ZC2HC1B: variants seen among roughly 807,000 people sequenced by gnomAD.
The protein encoded by ZC2HC1B is zinc finger C2HC domain-containing protein 1B.
A neutral mutation model predicts 31.0 loss-of-function variants in ZC2HC1B; 36 were observed. The ratio of observed to expected loss-of-function variants is 1.16; its 90% CI spans 0.89 to 1.54. ZC2HC1B has a LOEUF of 1.54. ZC2HC1B is among the 40% of genes most tolerant of loss of function. The pLI, the probability that ZC2HC1B is intolerant of heterozygous loss-of-function variation, is 0.00. For synonymous variants in ZC2HC1B, 73 were observed against 88.0 expected (o/e 0.83, Z 0.95); for missense variants, 260 against 268.6 (o/e 0.97, Z 0.22).
rs1453274186 is a variant in ZC2HC1B, at chr6:143,868,280, G to A, written c.28+3713G>A. Among the ~76,000 whole-genome samples, 1 of 152,102 alleles carries A rather than the reference G, an allele frequency of 6.6e-6. No homozygotes were observed. The highest frequency in any genetic ancestry group is 1.5e-5 in the Non-Finnish European group (1 of 68,022). Reference sequence around the variant, plus strand: ...TAATAGGCTAGATCTGTATATAAAGGGGAATTTATTAAGTATTAACTCACA... The same window carrying A: ...TAATAGGCTAGATCTGTATATAAAGAGGAATTTATTAAGTATTAACTCACA... On this transcript the variant is annotated intron_variant, in intron 1 of 7. Transcript: ENST00000237275. This position sits in a 1 kb window ranked among gnomAD's most constrained non-coding sequence, Gnocchi z 4.2.
intron 5 of ZC2HC1B, among the ~76,000 whole-genome samples, chr6:143,900,252 G>A (rs987802771): frequency 3.3e-5 from 5 of 152,040 alleles, no homozygotes; most frequent in Non-Finnish European, 7.4e-5. Context: ...AGCCGTGTGT[G>A]GTGTCACATG....
intron 6 of ZC2HC1B, among the ~76,000 whole-genome samples, chr6:143,930,381 CTTTTTTT>C (rs34308015): frequency 1.2e-4 from 13 of 111,772 alleles, no homozygotes; most frequent in Admixed American, 4.0e-4. Flanking sequence ...TTGAGAGTTT[CTTTTTTT>C]TTTTTTTTTT....
chr6:143,902,903 C>T (rs1777752308), intron 5 of ZC2HC1B, 141 bp from the exon 6 acceptor site: 1 of 699,480 alleles, frequency 1.4e-6, no homozygotes. Flanking sequence ...GTGTGTCTGT[C>T]CCCTTCCCCT....
rs1778006011 is a variant in ZC2HC1B at position 143,923,717 on chromosome 6, A to C, written c.599-13932A>C. Among the ~76,000 whole-genome samples the C allele has an allele frequency of 6.6e-6, 1 of 152,004 alleles. No individual in the cohort carries two copies. Among genetic ancestry groups the C allele is most frequent in the African/African-American group, 2.4e-5 (1 of 41,420 alleles). On this transcript the variant is annotated intron_variant, in intron 6 of 7. Transcript: ENST00000237275. The surrounding 1 kb of genome is among the most constrained non-coding windows in gnomAD (Gnocchi z 4.8). ...TTATTGAAGAGGATGCCTTTCCCCAATTTATATTCTTAATGGCTTTGTTGA... is the reference window on the plus strand; with the variant it reads ...TTATTGAAGAGGATGCCTTTCCCCACTTTATATTCTTAATGGCTTTGTTGA...
intron 1 of ZC2HC1B, among the ~76,000 whole-genome samples, chr6:143,879,793 T>TG (rs948051698): frequency 2.0e-5 from 3 of 149,496 alleles, no homozygotes; most frequent in African/African-American, 7.3e-5. Context: ...TTGTTTTTGT[T>TG]TTTTTTTTTT....
chr6:143,878,886 C>T (rs1195257951), intron 1 of ZC2HC1B, among the ~76,000 whole-genome samples: 2 of 152,152 alleles, frequency 1.3e-5, no homozygotes, highest in Non-Finnish European at 2.9e-5. Flanking sequence ...TTGCTGTATA[C>T]TCATGCCTTC....
At chr6:143,916,937 G>A (rs199530069) in intron 6 of ZC2HC1B, among the ~76,000 whole-genome samples, 2 of 152,212 alleles carry the variant, frequency 1.3e-5, no homozygotes, top group Non-Finnish European at 2.9e-5. Flanking sequence ...GACTTTGGGG[G>A]ACTGTTGGGA....
At chr6:143,892,349 G>A (rs549048059) in intron 4 of ZC2HC1B, among the ~76,000 whole-genome samples, 4 of 150,568 alleles carry the variant, frequency 2.7e-5, no homozygotes, top group African/African-American at 9.8e-5. Context: ...AGGCTGGAGT[G>A]CAGTGGCATG....
intron 6 of ZC2HC1B, among the ~76,000 whole-genome samples, chr6:143,937,211 G>A (rs925011850): frequency 5.3e-5 from 8 of 152,136 alleles, no homozygotes; most frequent in African/African-American, 1.9e-4. Flanking sequence ...CCATTGTCAC[G>A]TAGATAACCC....
intron 1 of ZC2HC1B, among the ~76,000 whole-genome samples, chr6:143,879,586 G>T (rs1777444707): frequency 6.6e-6 from 1 of 152,126 alleles, no homozygotes; most frequent in African/African-American, 2.4e-5. Flanking sequence ...TCTGTGATTT[G>T]CAGGCATCTG....
chr6:143,918,139 G>A lies in ZC2HC1B; in HGVS notation c.598+14987G>A, dbSNP rs1038688169. Among the ~76,000 whole-genome samples, 1 of 152,088 alleles carries A rather than the reference G, an allele frequency of 6.6e-6. No individual in the cohort carries two copies. Among genetic ancestry groups the A allele is most frequent in the Non-Finnish European group, 1.5e-5 (1 of 68,012 alleles). ...ATGATAATGAACTTCCTCAGCTTTT[G>A]TTTATCTGGGAATGTCTTAATTTCT... On this transcript the variant is annotated intron_variant, in intron 6 of 7. Coordinates refer to ENST00000237275, the MANE Select transcript of ZC2HC1B (RefSeq NM_001013623.3). This position sits in a 1 kb window ranked among gnomAD's most constrained non-coding sequence, Gnocchi z 4.1.
rs537466341 is a variant in ZC2HC1B at position 143,936,777 on chromosome 6, A to AT, written c.599-867dup. ...TCTACTTTACTTCTGGAGCCAGTGG[A>AT]TTTTTATCAAGTTAAGCATTTTACC... On this transcript the variant is annotated intron_variant, in intron 6 of 7. Transcript: ENST00000237275. 2.0e-3 allele frequency among the ~76,000 whole-genome samples: 312 copies of AT among 152,278 alleles called. 1 individual carries two copies. Among genetic ancestry groups the AT allele is most frequent in the African/African-American group, 7.1e-3 (297 of 41,546 alleles).
In ZC2HC1B at chr6:143,905,203, G is replaced by T. The variant is rs1777779567; in HGVS notation, c.598+2051G>T. ...GTAAGTTTTCAAATCCATGAACATG[G>T]AATATATTTCTGTTTATTTATGTCC... On this transcript the variant is annotated intron_variant, in intron 6 of 7. Coordinates refer to ENST00000237275, the MANE Select transcript of ZC2HC1B (RefSeq NM_001013623.3). The surrounding 1 kb of genome is among the most constrained non-coding windows in gnomAD (Gnocchi z 4.2). Among the ~76,000 whole-genome samples the T allele has an allele frequency of 6.6e-6, 1 of 152,198 alleles. No homozygotes were observed. Among genetic ancestry groups the T allele is most frequent in the Non-Finnish European group, 1.5e-5 (1 of 68,032 alleles).
intron 6 of ZC2HC1B, among the ~76,000 whole-genome samples, 169 bp from the exon 7 acceptor site, chr6:143,937,480 C>T (rs574511123): frequency 5.0e-4 from 76 of 152,004 alleles, no homozygotes; most frequent in Non-Finnish European, 1.0e-3. Flanking sequence ...GGTTATTTGT[C>T]TGTAGCTACC....
intron 4 of ZC2HC1B, among the ~76,000 whole-genome samples, chr6:143,897,734 GTCTT>G (rs1270896130): frequency 2.6e-5 from 4 of 152,074 alleles, no homozygotes; most frequent in African/African-American, 7.2e-5. Context: ...AAAGCAGTAT[GTCTT>G]TCTGCCAGTG....
chr6:143,891,871 T>G (rs1337052666), intron 4 of ZC2HC1B, among the ~76,000 whole-genome samples: 1 of 149,474 alleles, frequency 6.7e-6, no homozygotes, highest in Non-Finnish European at 1.5e-5. Context: ...TCATGACAAC[T>G]TGGTATGGTG....
intron 6 of ZC2HC1B, among the ~76,000 whole-genome samples, chr6:143,931,121 T>C (rs1386179230): frequency 6.6e-6 from 1 of 152,226 alleles, no homozygotes; most frequent in Non-Finnish European, 1.5e-5. Flanking sequence ...TGAGAATAGC[T>C]ACTCCTGCTT....
At chr6:143,877,325 C>T (rs1250517693) in intron 1 of ZC2HC1B, among the ~76,000 whole-genome samples, 1 of 115,478 alleles carries the variant, frequency 8.7e-6, no homozygotes, top group African/African-American at 4.0e-5. Flanking sequence ...TCTTTTTGCC[C>T]AGCCTGGAGT....
In ZC2HC1B at chr6:143,921,395, T is replaced by C. The variant is rs1777985432; in HGVS notation, c.599-16254T>C. 6.6e-6 allele frequency among the ~76,000 whole-genome samples: 1 copy of C among 152,246 alleles called. No homozygotes were observed. The highest frequency in any genetic ancestry group is 2.4e-5 in the African/African-American group (1 of 41,470). ...AATTCTCTACTGTATCTTTCTCTAT[T>C]GTACTGGAATATCCCTACTTTTTAG... is the stretch of plus-strand genomic sequence containing the variant. On this transcript the variant is annotated intron_variant, in intron 6 of 7. Transcript: ENST00000237275. The surrounding 1 kb of genome is among the most constrained non-coding windows in gnomAD (Gnocchi z 6.1).
Sources: allele counts gnomAD v4.1 joint callset (sites outside exome capture counted in the v4.1 genomes callset), GRCh38; gene constraint gnomAD v4.1.1; non-coding constraint Gnocchi (gnomAD v3.1); transcripts MANE v1.5; gene names NCBI Gene and HGNC (gene_info 2026-07-23, HGNC 2026-07-21).